Variants in IQCN observed in about 807,000 individuals in gnomAD.
The protein encoded by IQCN is IQ motif containing N.
A neutral mutation model predicts 64.4 loss-of-function variants in IQCN; 46 were observed. The ratio of observed to expected loss-of-function variants is 0.71; its 90% CI spans 0.56 to 0.91. The LOEUF is 0.91. IQCN is among the 40% of genes least tolerant of loss of function. The pLI is 0.00. For missense variants in IQCN, 1,753 were observed against 1,857.4 expected, an observed-to-expected ratio of 0.94 and a Z score of 1.03; for synonymous variants, 733 against 775.6, an observed-to-expected ratio of 0.95 and a Z score of 0.91.
chr19:18,267,110 G>A lies in IQCN; in HGVS notation c.430C>T (p.His144Tyr), dbSNP rs1023525713. ...QEAWRRFNKR[H>Y]ILHSSKSLVK... ...AACGACTTGCTGGAGTGAAGGATGT[G>A]TCTCTTGTTGAAGCGCCGCCAGGCC... The change falls in exon 3 of 4, where the codon CAC becomes TAC. Residue 144 changes from histidine (H) to tyrosine (Y), a missense_variant. Transcript: ENST00000392413. 1 of 1,614,232 alleles carries A rather than the reference G, an allele frequency of 6.2e-7. No homozygotes were observed. The highest frequency in any genetic ancestry group is 1.3e-5 in the African/African-American group (1 of 75,076).
Position 18,265,059 on chromosome 19 carries a change from C to T in IQCN, c.2481G>A (p.Glu827=), listed in dbSNP as rs777143158. 4.4e-6 allele frequency: 7 copies of T among 1,600,968 alleles called. No homozygotes were observed. The highest frequency in any genetic ancestry group is 3.3e-5 in the Admixed American group (2 of 60,022). The change falls in exon 3 of 4, where the codon GAG becomes GAA. Residue 827 remains glutamate, a synonymous_variant. Coordinates refer to ENST00000392413, the MANE Select transcript of IQCN (RefSeq NM_001145304.2). This position sits in a 1 kb window ranked among gnomAD's most constrained non-coding sequence, Gnocchi z 4.7. The part of the protein sequence containing the change: ...TQGGPCPAAC[E]VQGMLVPPMA... ...TCGGCGGCACCAGCATACCCTGGAC[C>T]TCACAGGCTGCCGGGCATGGTCCCC...
intron 1 of IQCN, among the ~76,000 whole-genome samples, chr19:18,272,525 C>T (rs915754844): frequency 6.6e-6 from 1 of 152,184 alleles, no homozygotes; most frequent in Non-Finnish European, 1.5e-5. Context: ...GGATCCAGGG[C>T]TCGGGCAGGC....
intron 1 of IQCN, 46 bp from the exon 2 acceptor site, chr19:18,269,633 T>C: frequency 2.0e-6 from 1 of 489,008 alleles, no homozygotes; most frequent in Non-Finnish European, 3.4e-6. Context: ...GCAAAAATGC[T>C]AAATTCTAAA....
Position 18,266,877 on chromosome 19 carries a change from C to T in IQCN, c.663G>A (p.Glu221=), listed in dbSNP as rs750431058. Residue 221 remains glutamate (E), a synonymous_variant, in exon 3 of 4, where the codon GAG becomes GAA. Coordinates refer to ENST00000392413, the MANE Select transcript of IQCN (RefSeq NM_001145304.2). This position sits in a 1 kb window ranked among gnomAD's most constrained non-coding sequence, Gnocchi z 4.3. Reference sequence around the variant, plus strand: ...CAGCATGAGGACCCTGCACACAGGGCTCTGGGGTACCCTGAGCTGCTGGGG... The same window carrying T: ...CAGCATGAGGACCCTGCACACAGGGTTCTGGGGTACCCTGAGCTGCTGGGG... ...LQPPAAQGTP[E]PCVQGPHAAR... is the part of the protein sequence containing the mutation. 3 of 1,611,716 alleles carry T rather than the reference C, an allele frequency of 1.9e-6. No individual in the cohort carries two copies. Among genetic ancestry groups the T allele is most frequent in the South Asian group, 2.2e-5 (2 of 90,838 alleles).
chr19:18,271,221 G>A (rs1969728994), intron 1 of IQCN, among the ~76,000 whole-genome samples: 3 of 148,540 alleles, frequency 2.0e-5, no homozygotes, highest in South Asian at 4.3e-4. Flanking sequence ...TGTAATCCCA[G>A]TGCTTTGGGA....
intron 1 of IQCN, among the ~76,000 whole-genome samples, chr19:18,272,579 C>T (rs1232135624): frequency 1.3e-5 from 2 of 152,074 alleles, no homozygotes; most frequent in East Asian, 1.9e-4. Flanking sequence ...GCCTCACCAG[C>T]GCCCTCTATT....
chr19:18,272,891 TGAGCCACCGCGCCTGGCC>T (rs1444409986), intron 1 of IQCN, among the ~76,000 whole-genome samples: 4 of 152,002 alleles, frequency 2.6e-5, no homozygotes, highest in Non-Finnish European at 5.9e-5. Flanking sequence ...ATTACAGGCG[TGAGCCACCGCGCCTGGCC>T]GAGCATTGTG....
intron 3 of IQCN, chr19:18,260,789 T>G (rs572403822): frequency 6.5e-6 from 1 of 153,022 alleles, no homozygotes; most frequent in East Asian, 1.9e-4. Context: ...GGGCTAGGCT[T>G]GGGGACACAC....
chr19:18,266,477 G>A lies in IQCN; in HGVS notation c.1063C>T (p.Pro355Ser), dbSNP rs1422354037. The change falls in exon 3 of 4, where the codon CCA becomes TCA. Residue 355 changes from proline (P) to serine (S), a missense_variant. Transcript: ENST00000392413. This position sits in a 1 kb window ranked among gnomAD's most constrained non-coding sequence, Gnocchi z 4.3. ...VVSVTLPQTY[P>S]ASTMTTTPPK... ...GGGGTGGTGGTCATCGTGGACGCTG[G>A]ATATGTCTGTGGCAGGGTCACGGAG... 1.3e-6 allele frequency: 2 copies of A among 1,592,934 alleles called. No homozygotes were observed. Among genetic ancestry groups the A allele is most frequent in the Non-Finnish European group, 1.7e-6 (2 of 1,169,264 alleles).
At chr19:18,273,864 C>G (rs1969796093) in intron 1 of IQCN, among the ~76,000 whole-genome samples, 1 of 152,146 alleles carries the variant, frequency 6.6e-6, no homozygotes, top group Admixed American at 6.5e-5. Flanking sequence ...CAGGGGCCCC[C>G]TGGACACAGA....
rs1555699696 is a variant in IQCN at position 18,264,901 on chromosome 19, A to G, written c.2639T>C (p.Leu880Ser). The G allele has an allele frequency of 6.2e-7, 1 of 1,613,336 alleles. No individual in the cohort carries two copies. The highest frequency in any genetic ancestry group is 8.5e-7 in the Non-Finnish European group (1 of 1,179,910). Residue 880 changes from leucine to serine, a missense_variant, in exon 3 of 4, where the codon TTG becomes TCG. Coordinates refer to ENST00000392413, the MANE Select transcript of IQCN (RefSeq NM_001145304.2). The surrounding 1 kb of genome is among the most constrained non-coding windows in gnomAD (Gnocchi z 4.3). ...CAGCACACCAGCTACTTCAGCACAC[A>G]AGGAGGCCAGCAGGGAGCCTACCGT... ...EDTVGSLLAS[L>S]CAEVAGVLAS...
In IQCN at chr19:18,265,159, G is replaced by A. The variant is rs1382580048; in HGVS notation, c.2381C>T (p.Pro794Leu). 3.1e-6 allele frequency: 5 copies of A among 1,607,724 alleles called. No individual in the cohort carries two copies. The highest frequency in any genetic ancestry group is 1.6e-4 in the Middle Eastern group (1 of 6,082). The change falls in exon 3 of 4, where the codon CCA becomes CTA. Residue 794 changes from proline (P) to leucine (L), a missense_variant. Coordinates refer to ENST00000392413, the MANE Select transcript of IQCN (RefSeq NM_001145304.2). This position sits in a 1 kb window ranked among gnomAD's most constrained non-coding sequence, Gnocchi z 4.7. ...TCTGTCCTCTGGCTTGGCCCAGGGT[G>A]GGGCGCTGAGGCCACCGAGGCGCTG... ...ACQRLGGLSA[P>L]PWAKPEDRQT...
Position 18,267,133 on chromosome 19 carries a change from GC to G in IQCN, c.406del (p.Ala136ProfsTer18), listed in dbSNP as rs760996878. On this transcript the variant is annotated frameshift_variant, in exon 3 of 4. Transcript: ENST00000392413. LOFTEE classifies it high-confidence loss of function. ...QMMAAKAIQE[A>X]WRRFNKRHIL... Reference sequence around the variant, plus strand: ...GTGTCTCTTGTTGAAGCGCCGCCAGGCCTCCTGGATGGCCTTGGCCGCCATC... The same window carrying G: ...GTGTCTCTTGTTGAAGCGCCGCCAGGCTCCTGGATGGCCTTGGCCGCCATC... The G allele has an allele frequency of 6.2e-7, 1 of 1,614,102 alleles. No individual in the cohort carries two copies. Among genetic ancestry groups the G allele is most frequent in the African/African-American group, 1.3e-5 (1 of 75,074 alleles).
chr19:18,269,611 G>T, intron 1 of IQCN, 24 bp from the exon 2 acceptor site: 1 of 603,486 alleles, frequency 1.7e-6, no homozygotes, highest in Non-Finnish European at 2.6e-6. Flanking sequence ...AACACAAAAA[G>T]AAATGTTAAA....
chr19:18,257,594 G>T lies in IQCN; in HGVS notation c.3690C>A (p.Ser1230Arg). Residue 1230 changes from serine to arginine, a missense_variant, in exon 4 of 4, where the codon AGC (serine) becomes AGA (arginine). Physicochemically the swap from Ser to Arg is moderately radical, Grantham distance 110 (BLOSUM62 -1). Transcript: ENST00000392413. ...CFQSCQAHAC[S>R]VCHSLSSRIG... ...TCCTGGAGCTCAGGGAGTGGCAGAC[G>T]CTGCAAGCGTGTGCCTGGCAGGACT... 1 of 1,612,680 alleles carries T rather than the reference G, an allele frequency of 6.2e-7. No individual in the cohort carries two copies. The highest frequency in any genetic ancestry group is 1.1e-5 in the South Asian group (1 of 91,078).
chr19:18,266,988 C>A lies in IQCN; in HGVS notation c.552G>T (p.Pro184=). 1 of 1,614,080 alleles carries A rather than the reference C, an allele frequency of 6.2e-7. No individual in the cohort carries two copies. Among genetic ancestry groups the A allele is most frequent in the Non-Finnish European group, 8.5e-7 (1 of 1,179,930 alleles). ...QHPEENRLLS[P]PIMVNKETQF... ...GGGTCTCCTTGTTCACCATGATGGG[C>A]GGGGACAGAAGGCGGTTCTCTTCCG... Residue 184 remains proline (P), a synonymous_variant, in exon 3 of 4, where the codon CCG becomes CCT. Transcript: ENST00000392413. The surrounding 1 kb of genome is among the most constrained non-coding windows in gnomAD (Gnocchi z 4.3).
In IQCN at chr19:18,265,968, T is replaced by C. The variant is rs766240895; in HGVS notation, c.1572A>G (p.Thr524=). 5.6e-6 allele frequency: 9 copies of C among 1,614,122 alleles called. No homozygotes were observed. Among genetic ancestry groups the C allele is most frequent in the Admixed American group, 5.0e-5 (3 of 60,018 alleles). ...ILKTLCLASP[T]VANVKAPPQV... ...GGGGTGGAGCCTTGACATTTGCCAC[T>C]GTTGGAGAGGCCAGACACAGAGTCT... Residue 524 remains threonine (T), a synonymous_variant, in exon 3 of 4, where the codon ACA becomes ACG. Coordinates refer to ENST00000392413, the MANE Select transcript of IQCN (RefSeq NM_001145304.2). The surrounding 1 kb of genome is among the most constrained non-coding windows in gnomAD (Gnocchi z 4.7).
Position 18,267,343 on chromosome 19 carries a change from G to A in IQCN, c.197C>T (p.Pro66Leu), listed in dbSNP as rs140481493. The A allele has an allele frequency of 2.1e-4, 347 of 1,614,052 alleles. 1 individual carries two copies. Among genetic ancestry groups the A allele is most frequent in the Non-Finnish European group, 2.5e-4 (295 of 1,179,972 alleles). ...CGTCTTGCCTTCGGCAGGCTGTTGC[G>A]GAAGATGCTCCTTGGACTTGAGGCC... Reference protein sequence around the residue: ...HEGLKSKEHLPQQPAEGKTAS... With the variant: ...HEGLKSKEHLLQQPAEGKTAS... The change falls in exon 3 of 4, where the codon CCG (proline) becomes CTG (leucine). Residue 66 changes from proline to leucine, a missense_variant. Physicochemically the swap from Pro to Leu is moderately conservative, Grantham distance 98. Transcript: ENST00000392413.
Position 18,267,443 on chromosome 19 carries a change from C to G in IQCN, c.97G>C (p.Val33Leu), listed in dbSNP as rs748282094. ...VHEPVVTQWA[V>L]HPPAPAHPSL... ...GGGTGAGCGGGGGCTGGAGGATGCA[C>G]CGCCCACTGGGTGACAACTGGCTCG... The change falls in exon 3 of 4, where the codon GTG becomes CTG. Residue 33 changes from valine to leucine, a missense_variant. By Grantham distance (32) the Val-to-Leu change is conservative. Transcript: ENST00000392413. The G allele has an allele frequency of 4.5e-6, 7 of 1,551,904 alleles. No homozygotes were observed. In the East Asian group the frequency reaches 1.6e-4, roughly 35 times the overall value.
Sources: gnomAD v4.1 joint callset for allele counts (sites outside exome capture counted in the v4.1 genomes callset) on GRCh38, gnomAD v4.1.1 for gene constraint, Gnocchi (gnomAD v3.1) non-coding constraint, MANE v1.5 for transcripts, NCBI Gene and HGNC (gene_info 2026-07-23, HGNC 2026-07-21) for gene names.